Variants in ARB2A observed in about 807,000 individuals in gnomAD.
ARB2A encodes ARB2 cotranscriptional regulator A, also known as cotranscriptional regulator ARB2A.
At chr5:93,829,241 A>G in the ARB2A span, among the ~76,000 whole-genome samples, 1 of 152,144 alleles carries the variant, frequency 6.6e-6, no homozygotes, top group South Asian at 2.1e-4. Flanking sequence ...CCCTGAGAAG[A>G]CACACAGAAC....
the ARB2A span, among the ~76,000 whole-genome samples, chr5:94,020,978 A>AC: frequency 1.3e-5 from 2 of 152,186 alleles, no homozygotes; most frequent in Non-Finnish European, 2.9e-5. Flanking sequence ...CCACCATGGC[A>AC]CGTGTATCCC....
At chr5:93,951,274 CT>C in the ARB2A span, among the ~76,000 whole-genome samples, 1 of 152,178 alleles carries the variant, frequency 6.6e-6, no homozygotes, top group Non-Finnish European at 1.5e-5. Context: ...ATTTCCCCTT[CT>C]GTGGGTTGTC....
At chr5:93,732,791 T>C in the ARB2A span, among the ~76,000 whole-genome samples, 11 of 152,272 alleles carry the variant, frequency 7.2e-5, no homozygotes, top group East Asian at 2.1e-3. Context: ...AGAATGTGTA[T>C]CTTTTGGAAC....
chr5:94,083,645 TACC>T, the ARB2A span, among the ~76,000 whole-genome samples: 5 of 152,148 alleles, frequency 3.3e-5, no homozygotes, highest in Admixed American at 2.6e-4. Flanking sequence ...TGCCCATCAT[TACC>T]ACTTTACTAT....
chr5:93,904,144 T>C, the ARB2A span, among the ~76,000 whole-genome samples: 2 of 151,962 alleles, frequency 1.3e-5, no homozygotes, highest in African/African-American at 2.4e-5. Context: ...CTAAAGGGAA[T>C]AGCAGTTGCT....
the ARB2A span, among the ~76,000 whole-genome samples, chr5:93,864,758 T>C: frequency 6.6e-6 from 1 of 152,204 alleles, no homozygotes; most frequent in African/African-American, 2.4e-5. Context: ...TCACTAGTTG[T>C]GAAGGACTTT....
At chr5:94,040,460 C>G in the ARB2A span, among the ~76,000 whole-genome samples, 2 of 151,592 alleles carry the variant, frequency 1.3e-5, no homozygotes, top group Non-Finnish European at 2.9e-5. Context: ...CCCACTAACT[C>G]GTCATTTGCA....
chr5:93,713,002 T>C, the ARB2A span, among the ~76,000 whole-genome samples: 1 of 152,152 alleles, frequency 6.6e-6, no homozygotes. Context: ...TGGAAATCCA[T>C]ATGCAGAAGA....
chr5:94,059,077 C>G, the ARB2A span, among the ~76,000 whole-genome samples: 1 of 151,856 alleles, frequency 6.6e-6, no homozygotes. Flanking sequence ...GTCTGCAGAA[C>G]TGTAAGTCAA....
chr5:93,804,751 A>G, the ARB2A span: 1 of 353,662 alleles, frequency 2.8e-6, no homozygotes, highest in Non-Finnish European at 4.0e-6. Flanking sequence ...ACTTTTTAAT[A>G]TATCTGTTTT....
the ARB2A span, among the ~76,000 whole-genome samples, chr5:93,668,416 A>AT: frequency 1.3e-5 from 2 of 152,226 alleles, no homozygotes; most frequent in East Asian, 3.8e-4. Context: ...TGTTAAAGCT[A>AT]TTTAATTAGT....
the ARB2A span, among the ~76,000 whole-genome samples, chr5:93,925,742 T>C: frequency 6.6e-6 from 1 of 152,158 alleles, no homozygotes; most frequent in Admixed American, 6.5e-5. Context: ...GGGAGATATG[T>C]TGAAAAAGCT....
the ARB2A span, among the ~76,000 whole-genome samples, chr5:93,841,101 T>G: frequency 1.3e-5 from 2 of 152,300 alleles, no homozygotes; most frequent in South Asian, 2.1e-4. Flanking sequence ...TTTAGGTCTT[T>G]TCTTTTAGTG....
chr5:93,967,506 A>T, the ARB2A span, among the ~76,000 whole-genome samples: 1 of 152,128 alleles, frequency 6.6e-6, no homozygotes, highest in Admixed American at 6.6e-5. Flanking sequence ...AGCTGAAGCC[A>T]GTACTAACAT....
At chr5:93,847,632 C>A in the ARB2A span, among the ~76,000 whole-genome samples, 1 of 152,102 alleles carries the variant, frequency 6.6e-6, no homozygotes, top group Admixed American at 6.5e-5. Context: ...CTAATTATAG[C>A]AGCTAACATT....
chr5:93,768,131 T>C, the ARB2A span, among the ~76,000 whole-genome samples: 102 of 151,012 alleles, frequency 6.8e-4, no homozygotes, highest in South Asian at 8.3e-4. Context: ...CTCACTGATA[T>C]GTGGGAGCTA....
chr5:93,774,268 C>T, the ARB2A span, among the ~76,000 whole-genome samples: 3 of 152,226 alleles, frequency 2.0e-5, no homozygotes, highest in African/African-American at 7.2e-5. Flanking sequence ...AGGCCAATGA[C>T]TAACTCTCCA....
At chr5:94,085,610 C>A in the ARB2A span, among the ~76,000 whole-genome samples, 1 of 152,290 alleles carries the variant, frequency 6.6e-6, no homozygotes, top group East Asian at 1.9e-4. Context: ...TCCTTGACAT[C>A]CTACTGGCAG....
At chr5:93,814,025 AG>A in the ARB2A span, among the ~76,000 whole-genome samples, 2 of 152,190 alleles carry the variant, frequency 1.3e-5, no homozygotes, top group Admixed American at 6.5e-5. Context: ...TCAAAATTTC[AG>A]GGCCACAGAC....
Sources: allele counts gnomAD v4.1 joint callset (sites outside exome capture counted in the v4.1 genomes callset), GRCh38; gene constraint gnomAD v4.1.1; transcripts MANE v1.5; gene names NCBI Gene and HGNC (gene_info 2026-07-23, HGNC 2026-07-21).